ARL8B: variants seen among roughly 807,000 people sequenced by gnomAD.
ARL8B encodes ADP-ribosylation factor-like protein 8B.
In ARL8B, 9 loss-of-function variants were observed where a neutral mutation model predicts 30.6. The ratio of observed to expected loss-of-function variants is 0.29; its 90% confidence interval spans 0.18 to 0.51. The LOEUF (loss-of-function observed/expected upper bound fraction) is 0.51. Among genes scored for constraint, ARL8B ranks in the 20% least tolerant of loss-of-function variants. ARL8B has a pLI of 0.97. For missense variants in ARL8B, 130 were observed against 227.2 expected, an observed-to-expected ratio of 0.57 and a Z score of 2.75; for synonymous variants, 74 against 76.0, an observed-to-expected ratio of 0.97 and a Z score of 0.14.
At chr3:5,166,064 G>T in intron 1 of ARL8B, among the ~76,000 whole-genome samples, 1 of 145,990 alleles carries the variant, frequency 6.8e-6, no homozygotes, top group African/African-American at 2.5e-5. Context: ...TTTTTGAGAC[G>T]GAGTCTTGCT....
chr3:5,171,093 G>A (rs1385692273), intron 2 of ARL8B, among the ~76,000 whole-genome samples: 1 of 152,066 alleles, frequency 6.6e-6, no homozygotes, highest in Non-Finnish European at 1.5e-5. Context: ...GAGCCTTAAT[G>A]TCCATTTTGC....
chr3:5,152,111 G>C (rs1559281081), intron 1 of ARL8B, among the ~76,000 whole-genome samples: 1 of 152,300 alleles, frequency 6.6e-6, no homozygotes, highest in Non-Finnish European at 1.5e-5. Flanking sequence ...GTAACTGTGA[G>C]GTAGATCCAG....
chr3:5,137,033 T>C (rs1315632609), intron 1 of ARL8B, among the ~76,000 whole-genome samples: 1 of 152,154 alleles, frequency 6.6e-6, no homozygotes, highest in Non-Finnish European at 1.5e-5. Context: ...TGCTCTGTAA[T>C]TGTTGACTTA....
intron 2 of ARL8B, among the ~76,000 whole-genome samples, chr3:5,171,195 T>A (rs1165304755): frequency 6.6e-6 from 1 of 152,198 alleles, no homozygotes; most frequent in Non-Finnish European, 1.5e-5. Flanking sequence ...TCTTTATGCT[T>A]GTTACCAGTG....
intron 1 of ARL8B, among the ~76,000 whole-genome samples, chr3:5,158,086 C>T (rs577528644): frequency 3.3e-5 from 5 of 152,238 alleles, no homozygotes; most frequent in Admixed American, 6.5e-5. Flanking sequence ...AATGATTGTC[C>T]TGCCTCAGCC....
intron 1 of ARL8B, among the ~76,000 whole-genome samples, chr3:5,125,310 A>G (rs1416028534): frequency 5.3e-5 from 8 of 152,130 alleles, no homozygotes; most frequent in South Asian, 2.1e-4. Flanking sequence ...TGCAGGAACG[A>G]TGGCTTGAAA....
At chr3:5,157,622 A>G (rs2054544546) in intron 1 of ARL8B, 1 of 152,210 alleles carries the variant, frequency 6.6e-6, no homozygotes, top group South Asian at 2.1e-4. Context: ...GCTGGTCCAT[A>G]GCTGCCTTAA....
chr3:5,123,918 G>A (rs1248605466), intron 1 of ARL8B, among the ~76,000 whole-genome samples: 1 of 152,080 alleles, frequency 6.6e-6, no homozygotes, highest in South Asian at 2.1e-4. Context: ...TTGTCCCCCA[G>A]GCTGGAGTGC....
intron 1 of ARL8B, among the ~76,000 whole-genome samples, chr3:5,134,869 A>G (rs1055030575): frequency 1.2e-4 from 18 of 152,182 alleles, no homozygotes; most frequent in African/African-American, 4.8e-5. Flanking sequence ...TTTTGTTGAG[A>G]TGGAGTCTCG....
At chr3:5,151,856 C>A (rs12497542) in intron 1 of ARL8B, among the ~76,000 whole-genome samples, 2 of 151,834 alleles carry the variant, frequency 1.3e-5, no homozygotes, top group Non-Finnish European at 2.9e-5. Context: ...TCTTGAGTAC[C>A]TGGGACCACA....
At chr3:5,140,050 C>T (rs779447748) in intron 1 of ARL8B, among the ~76,000 whole-genome samples, 24 of 150,386 alleles carry the variant, frequency 1.6e-4, no homozygotes, top group Non-Finnish European at 2.8e-4. Context: ...GCAGTGGCAC[C>T]ATCTCTGCTC....
chr3:5,167,305 C>T (rs1415088016), intron 1 of ARL8B, among the ~76,000 whole-genome samples: 1 of 152,198 alleles, frequency 6.6e-6, no homozygotes, highest in African/African-American at 2.4e-5. Context: ...ACAGTAGTCC[C>T]TCTTATCCAT....
intron 2 of ARL8B, among the ~76,000 whole-genome samples, chr3:5,171,715 A>G (rs2054678168): frequency 6.6e-6 from 1 of 152,262 alleles, no homozygotes; most frequent in African/African-American, 2.4e-5. Flanking sequence ...GATAATTTCA[A>G]AAGGTTAGGC....
rs536672754 is a variant in ARL8B, at chr3:5,177,099, T to C, written c.512-1565T>C. On this transcript the variant is annotated intron_variant, in intron 6 of 6. Transcript: ENST00000256496. Reference sequence around the variant, plus strand: ...CTACATGTTTTCTGTTTTTCCATTGTTACAAACTAGTTGGATACTTCCTGA... The same window carrying C: ...CTACATGTTTTCTGTTTTTCCATTGCTACAAACTAGTTGGATACTTCCTGA... Among the ~76,000 whole-genome samples the C allele has an allele frequency of 2.6e-5, 4 of 152,358 alleles. No homozygotes were observed. The East Asian group carries it at 7.7e-4, about 29-fold the overall frequency.
intron 1 of ARL8B, among the ~76,000 whole-genome samples, chr3:5,137,188 A>G (rs1441829967): frequency 1.3e-5 from 2 of 152,078 alleles, no homozygotes; most frequent in East Asian, 1.9e-4. Context: ...TACTTGCCCC[A>G]TGAGCTCATG....
intron 1 of ARL8B, among the ~76,000 whole-genome samples, chr3:5,143,020 C>A (rs1283629873): frequency 6.6e-6 from 1 of 152,232 alleles, no homozygotes; most frequent in Non-Finnish European, 1.5e-5. Flanking sequence ...ATACATCATC[C>A]CAGCTGGGGC....
chr3:5,168,373 A>T (rs1013096575), intron 1 of ARL8B, among the ~76,000 whole-genome samples: 23 of 152,352 alleles, frequency 1.5e-4, no homozygotes, highest in African/African-American at 5.1e-4. Context: ...GCCTGGCCCT[A>T]ATAACTCTTA....
intron 2 of ARL8B, 31 bp from the exon 3 acceptor site, chr3:5,172,119 T>C: frequency 6.4e-7 from 1 of 1,567,772 alleles, no homozygotes; most frequent in East Asian, 2.2e-5. Context: ...TAAAATATCT[T>C]TATTAAGAAT....
intron 1 of ARL8B, among the ~76,000 whole-genome samples, chr3:5,147,119 C>T (rs182194728): frequency 3.3e-5 from 5 of 151,930 alleles, no homozygotes; most frequent in Non-Finnish European, 7.4e-5. Flanking sequence ...GTGTGCTGCA[C>T]CCACTAACCG....
Sources: allele counts gnomAD v4.1 joint callset (sites outside exome capture counted in the v4.1 genomes callset), GRCh38; gene constraint gnomAD v4.1.1; transcripts MANE v1.5; gene names NCBI Gene and HGNC (gene_info 2026-07-23, HGNC 2026-07-21).